The following PLXNA4 variants were observed in gnomAD, a reference collection of about 807,000 sequenced individuals.
PLXNA4 encodes plexin A4.
A neutral mutation model predicts 191.8 loss-of-function variants in PLXNA4; 44 were observed. The observed-to-expected ratio is 0.23, with a 90% confidence interval of 0.18 to 0.29. PLXNA4 has a LOEUF of 0.29. Among genes scored for constraint, PLXNA4 ranks in the 10% least tolerant of loss-of-function variants. The probability of loss-of-function intolerance (pLI) is 1.00; values close to 1 mark genes in which losing one functional copy is unlikely to be tolerated. For missense variants in PLXNA4, 1,800 were observed against 2,488.8 expected (o/e 0.72, Z 5.89); for synonymous variants, 1,082 against 1,009.5 (o/e 1.07, Z -1.36).
chr7:132,465,650 T>G (rs1055800626), intron 3 of PLXNA4, among the ~76,000 whole-genome samples: 1 of 152,184 alleles, frequency 6.6e-6, no homozygotes, highest in Non-Finnish European at 1.5e-5. Flanking sequence ...AAAAAGCCCT[T>G]CGTCCTCTCC....
chr7:132,412,356 C>T (rs186873080), intron 3 of PLXNA4, among the ~76,000 whole-genome samples: 70 of 152,302 alleles, frequency 4.6e-4, no homozygotes, highest in Non-Finnish European at 3.4e-4. Flanking sequence ...CCCATGCTGA[C>T]GATACAACAG....
Position 132,507,543 on chromosome 7 carries a change from G to T in PLXNA4, c.1151C>A (p.Ala384Asp). Reference protein sequence around the residue: ...CYRGEGTLDLAWLKVKDIPCS... With the variant: ...CYRGEGTLDLDWLKVKDIPCS... ...GGGGATGTCCTTCACCTTGAGCCAGGCCAGGTCCAGCGTGCCCTCGCCCCG... is the reference window on the plus strand; with the variant it reads ...GGGGATGTCCTTCACCTTGAGCCAGTCCAGGTCCAGCGTGCCCTCGCCCCG... Residue 384 changes from alanine (A) to aspartate (D), a missense_variant, in exon 2 of 32, where the codon GCC (alanine) becomes GAC (aspartate). Physicochemically the swap from Ala to Asp is moderately radical, Grantham distance 126. Coordinates refer to ENST00000321063, the MANE Select transcript of PLXNA4 (RefSeq NM_020911.2). 2 of 1,613,718 alleles carry T rather than the reference G, an allele frequency of 1.2e-6. No homozygotes were observed. Among genetic ancestry groups the T allele is most frequent in the South Asian group, 2.2e-5 (2 of 91,046 alleles).
rs376886987 is a variant in PLXNA4 at position 132,439,420 on chromosome 7, C to T, written c.1371+49872G>A. On this transcript the variant is annotated intron_variant, in intron 3 of 31. Transcript: ENST00000321063. ...CACATTGTACATACATGTATACACA[C>T]AGGTACACATGGATATACAAATACA... Among the ~76,000 whole-genome samples the T allele has an allele frequency of 5.9e-5, 9 of 152,312 alleles. No homozygotes were observed. The East Asian group carries it at 1.7e-3, about 29-fold the overall frequency.
chr7:132,184,886 G>A (rs1462374816), intron 16 of PLXNA4, among the ~76,000 whole-genome samples: 3 of 152,136 alleles, frequency 2.0e-5, no homozygotes, highest in Non-Finnish European at 4.4e-5. Context: ...CAAGGAACCT[G>A]ACTACAGGGA....
intron 3 of PLXNA4, among the ~76,000 whole-genome samples, chr7:132,394,614 C>A (rs1486649092): frequency 6.6e-6 from 1 of 152,194 alleles, no homozygotes; most frequent in Non-Finnish European, 1.5e-5. Flanking sequence ...AATTCCTTCA[C>A]CTCTCTGGGC....
intron 30 of PLXNA4, among the ~76,000 whole-genome samples, chr7:132,139,945 TCAGA>T (rs1795217309): frequency 6.6e-6 from 1 of 152,210 alleles, no homozygotes; most frequent in East Asian, 1.9e-4. Flanking sequence ...CTGATGTGGC[TCAGA>T]CAAACCATTA....
chr7:132,132,113 C>T (rs6977223), intron 31 of PLXNA4, among the ~76,000 whole-genome samples: 106,009 of 152,170 alleles, frequency 0.7, 38,025 homozygotes, highest in East Asian at 0.83. Flanking sequence ...GGCAAGAGAG[C>T]TGACTAGAAG....
At chr7:132,453,958 A>G (rs1796222299) in intron 3 of PLXNA4, among the ~76,000 whole-genome samples, 1 of 152,246 alleles carries the variant, frequency 6.6e-6, no homozygotes. Context: ...AAAGGACATC[A>G]GAGTGTGGTC....
At chr7:132,522,269 G>A (rs1204542309) in intron 1 of PLXNA4, among the ~76,000 whole-genome samples, 2 of 152,146 alleles carry the variant, frequency 1.3e-5, no homozygotes, top group Non-Finnish European at 2.9e-5. Flanking sequence ...ACCTCTCATT[G>A]GTGGAATGCT....
intron 3 of PLXNA4, among the ~76,000 whole-genome samples, chr7:132,452,501 T>G (rs1414197870): frequency 2.0e-5 from 3 of 152,198 alleles, no homozygotes; most frequent in African/African-American, 7.2e-5. Context: ...CAAAAAAACA[T>G]GGCACACAGT....
chr7:132,347,852 C>A (rs549749396), intron 3 of PLXNA4, among the ~76,000 whole-genome samples: 5 of 152,178 alleles, frequency 3.3e-5, no homozygotes, highest in Non-Finnish European at 7.4e-5. Flanking sequence ...GTGTTTCCTG[C>A]AGCAGTTGCT....
intron 3 of PLXNA4, among the ~76,000 whole-genome samples, chr7:132,465,611 C>G (rs575326941): frequency 1.3e-5 from 2 of 152,280 alleles, no homozygotes; most frequent in Admixed American, 1.3e-4. Context: ...GCTACCACAC[C>G]TAAGTACAAG....
At chr7:132,297,575 C>CA (rs1159252057) in intron 4 of PLXNA4, among the ~76,000 whole-genome samples, 1 of 152,176 alleles carries the variant, frequency 6.6e-6, no homozygotes, top group East Asian at 1.9e-4. Context: ...GGAGTTTCCA[C>CA]AAAGAGTTGT....
At chr7:132,429,811 T>A (rs185638013) in intron 3 of PLXNA4, among the ~76,000 whole-genome samples, 87 of 152,288 alleles carry the variant, frequency 5.7e-4, no homozygotes, top group African/African-American at 2.0e-3. Flanking sequence ...GGCTTGATGG[T>A]CAGTCTTTTC....
At chr7:132,201,801 G>T (rs1285976205) in intron 12 of PLXNA4, among the ~76,000 whole-genome samples, 1 of 152,210 alleles carries the variant, frequency 6.6e-6, no homozygotes, top group Non-Finnish European at 1.5e-5. Context: ...CTACTTAAAT[G>T]AACTCCAGGG....
intron 3 of PLXNA4, among the ~76,000 whole-genome samples, chr7:132,338,310 G>A (rs1378458110): frequency 6.6e-6 from 1 of 152,214 alleles, no homozygotes; most frequent in Non-Finnish European, 1.5e-5. Context: ...TAAATGCGTA[G>A]ATGAAACTTT....
chr7:132,261,071 G>T (rs997209136), intron 4 of PLXNA4, among the ~76,000 whole-genome samples: 1 of 152,166 alleles, frequency 6.6e-6, no homozygotes, highest in East Asian at 1.9e-4. Flanking sequence ...TAGAAAACAG[G>T]CAGTATACTA....
intron 4 of PLXNA4, among the ~76,000 whole-genome samples, chr7:132,289,838 A>ATT (rs67691950): frequency 3.9e-4 from 58 of 147,606 alleles, no homozygotes; most frequent in Admixed American, 1.4e-3. Context: ...CAGCTAATTA[A>ATT]TTTTTTTTTT....
At chr7:132,367,601 G>C (rs967634575) in intron 3 of PLXNA4, 2 of 152,298 alleles carry the variant, frequency 1.3e-5, no homozygotes, top group Admixed American at 6.5e-5. Flanking sequence ...GAAGAATCAC[G>C]AGTACAGAAT....
Sources: allele counts gnomAD v4.1 joint callset (sites outside exome capture counted in the v4.1 genomes callset), GRCh38; gene constraint gnomAD v4.1.1; transcripts MANE v1.5; gene names NCBI Gene and HGNC (gene_info 2026-07-23, HGNC 2026-07-21).